Variants in TXNDC16 observed in about 807,000 individuals in gnomAD.
TXNDC16 encodes the protein thioredoxin domain containing 16, also known as thioredoxin domain-containing protein 16.
A neutral mutation model predicts 85.6 loss-of-function variants in TXNDC16; 74 were observed. That is an observed-to-expected ratio of 0.86 (90% CI 0.72 to 1.05). The LOEUF (loss-of-function observed/expected upper bound fraction) is 1.05, where lower values mean the gene tolerates loss of function less well. Ranked by LOEUF, TXNDC16 falls within the 50% of genes least tolerant of loss-of-function variation. TXNDC16 has a pLI of 0.00. For missense variants in TXNDC16, 959 were observed against 947.0 expected (o/e 1.01, Z -0.17); for synonymous variants, 335 against 326.5 (o/e 1.03, Z -0.28).
At chr14:52,468,275 AAG>A (rs1214051219) in intron 16 of TXNDC16, among the ~76,000 whole-genome samples, 1 of 152,234 alleles carries the variant, frequency 6.6e-6, no homozygotes, top group Admixed American at 6.5e-5. Context: ...ATTTTTTTAA[AAG>A]AAAAAATATA....
intron 2 of TXNDC16, among the ~76,000 whole-genome samples, chr14:52,544,016 G>C (rs1004407974): frequency 5.3e-5 from 8 of 151,974 alleles, no homozygotes; most frequent in Admixed American, 2.6e-4. Flanking sequence ...ATTTAGATGG[G>C]AGTGAAACAG....
In TXNDC16 at chr14:52,491,016, A is replaced by AC. The variant is rs2036391430; in HGVS notation, c.757-12_757-11insG. Reference sequence around the variant, plus strand: ...TTCAGCAACTTCAGTCTTCATTGAAAAAAAAAAAAAAAAAAGGTGTGATAA... The same window carrying AC: ...TTCAGCAACTTCAGTCTTCATTGAAACAAAAAAAAAAAAAAAGGTGTGATAA... On this transcript the variant is annotated splice_polypyrimidine_tract_variant and intron_variant, in intron 9 of 20. Coordinates refer to ENST00000281741, the MANE Select transcript of TXNDC16 (RefSeq NM_020784.3). 8.2e-7 allele frequency: 1 copy of AC among 1,216,970 alleles called. No homozygotes were observed. Among genetic ancestry groups the AC allele is most frequent in the Non-Finnish European group, 1.1e-6 (1 of 906,534 alleles). The allele number at this position is 1,216,970 out of a possible 1,614,324, so 75.4% of individuals were successfully genotyped here.
chr14:52,547,826 A>G (rs1200017679), intron 1 of TXNDC16, among the ~76,000 whole-genome samples: 3 of 152,228 alleles, frequency 2.0e-5, no homozygotes, highest in Non-Finnish European at 4.4e-5. Flanking sequence ...GTAATTTTGA[A>G]TTACCTCCAC....
In TXNDC16 at chr14:52,530,371, TA is replaced by T. The variant is rs1594757897; in HGVS notation, c.392+6347del. On this transcript the variant is annotated intron_variant, in intron 6 of 20. Coordinates refer to ENST00000281741, the MANE Select transcript of TXNDC16 (RefSeq NM_020784.3). ...TATTATAATATAATATATATTATTATATAATATTATATATAATATTATAATA... is the reference window on the plus strand; with the variant it reads ...TATTATAATATAATATATATTATTATTAATATTATATATAATATTATAATA... Among the ~76,000 whole-genome samples the T allele has an allele frequency of 1.8e-4, 6 of 33,468 alleles. 1 individual carries two copies. Among genetic ancestry groups the T allele is most frequent in the Admixed American group, 1.7e-3 (3 of 1,716 alleles). The allele number at this position is 33,468 out of a possible 152,430, so 22.0% of individuals were successfully genotyped here. A position where few individuals can be genotyped will look rare whatever the true frequency, so the allele number is the denominator to read the frequency against.
intron 16 of TXNDC16, among the ~76,000 whole-genome samples, chr14:52,469,501 T>A (rs919600677): frequency 6.6e-6 from 1 of 151,940 alleles, no homozygotes; most frequent in Non-Finnish European, 1.5e-5. Flanking sequence ...CCCCAGCACT[T>A]TGGGAGGCCA....
chr14:52,462,080 T>A (rs1345192257), intron 16 of TXNDC16, among the ~76,000 whole-genome samples: 1 of 152,246 alleles, frequency 6.6e-6, no homozygotes, highest in African/African-American at 2.4e-5. Flanking sequence ...ATTTACCAAA[T>A]ATCACACATA....
At chr14:52,501,881 T>G (rs923136817) in intron 9 of TXNDC16, among the ~76,000 whole-genome samples, 2 of 152,176 alleles carry the variant, frequency 1.3e-5, no homozygotes, top group African/African-American at 4.8e-5. Flanking sequence ...AAATAAAACA[T>G]AAAAGTGACC....
At chr14:52,456,148 T>G (rs929256284) in intron 17 of TXNDC16, among the ~76,000 whole-genome samples, 3 of 152,224 alleles carry the variant, frequency 2.0e-5, no homozygotes, top group Admixed American at 2.0e-4. Flanking sequence ...ATAACTTAAT[T>G]CATGCCAGAA....
At chr14:52,508,842 T>G (rs1245619197) in intron 9 of TXNDC16, among the ~76,000 whole-genome samples, 1 of 151,972 alleles carries the variant, frequency 6.6e-6, no homozygotes, top group African/African-American at 2.4e-5. Context: ...CCGCATGTTC[T>G]TACTTATTGA....
At chr14:52,540,088 G>A (rs1435664276) in intron 4 of TXNDC16, among the ~76,000 whole-genome samples, 2 of 152,170 alleles carry the variant, frequency 1.3e-5, no homozygotes, top group Non-Finnish European at 2.9e-5. Flanking sequence ...AGGTAGAAAA[G>A]GAAGGACACA....
intron 1 of TXNDC16, among the ~76,000 whole-genome samples, chr14:52,548,460 T>C (rs891832706): frequency 9.2e-5 from 14 of 152,128 alleles, no homozygotes; most frequent in Middle Eastern, 3.2e-3. Context: ...GGCCTTAGCA[T>C]TCCTTCTGGG....
intron 18 of TXNDC16, among the ~76,000 whole-genome samples, chr14:52,443,685 A>AG (rs2035215897): frequency 6.6e-6 from 1 of 152,252 alleles, no homozygotes; most frequent in South Asian, 2.1e-4. Flanking sequence ...CCAGATGAGT[A>AG]ATGCCTTCAT....
chr14:52,445,711 T>C (rs2035265685), intron 18 of TXNDC16, among the ~76,000 whole-genome samples: 1 of 152,172 alleles, frequency 6.6e-6, no homozygotes, highest in Admixed American at 6.5e-5. Flanking sequence ...TTCACAAATA[T>C]TTACCATTGT....
At chr14:52,441,820 C>A (rs1355796041) in intron 18 of TXNDC16, among the ~76,000 whole-genome samples, 1 of 152,108 alleles carries the variant, frequency 6.6e-6, no homozygotes, top group Non-Finnish European at 1.5e-5. Flanking sequence ...TACTTCCTTT[C>A]TCCACTCACC....
At chr14:52,443,647 C>T (rs2035213985) in intron 18 of TXNDC16, among the ~76,000 whole-genome samples, 1 of 152,154 alleles carries the variant, frequency 6.6e-6, no homozygotes, top group Non-Finnish European at 1.5e-5. Flanking sequence ...CAGAGTTAGG[C>T]ATGCAAGAGG....
At chr14:52,446,215 C>G (rs868332793) in intron 18 of TXNDC16, among the ~76,000 whole-genome samples, 12 of 152,284 alleles carry the variant, frequency 7.9e-5, no homozygotes, top group Middle Eastern at 6.8e-3. Flanking sequence ...CTCCCATCCC[C>G]TGGCAGTGGC....
intron 14 of TXNDC16, among the ~76,000 whole-genome samples, chr14:52,475,763 T>C (rs1033478426): frequency 6.6e-6 from 1 of 152,238 alleles, no homozygotes; most frequent in Non-Finnish European, 1.5e-5. Context: ...AAAGGGCATA[T>C]ACTCTTGGGA....
intron 6 of TXNDC16, among the ~76,000 whole-genome samples, chr14:52,525,699 A>AAATAATAATAATAAT (rs199701557): frequency 8.2e-6 from 1 of 121,340 alleles, no homozygotes; most frequent in South Asian, 2.7e-4. Context: ...CTCCATCTCA[A>AAATAATAATAATAAT]AATAATAATA....
chr14:52,477,963 A>G (rs1292216859), intron 14 of TXNDC16, among the ~76,000 whole-genome samples: 2 of 152,208 alleles, frequency 1.3e-5, no homozygotes, highest in Non-Finnish European at 2.9e-5. Context: ...AAGAAAATTG[A>G]AATTATATCA....
Sources: gnomAD v4.1 joint callset for allele counts (sites outside exome capture counted in the v4.1 genomes callset) on GRCh38, gnomAD v4.1.1 for gene constraint, MANE v1.5 for transcripts, NCBI Gene and HGNC (gene_info 2026-07-23, HGNC 2026-07-21) for gene names.